Variants in B3GALT1 observed in about 807,000 individuals in gnomAD.
B3GALT1 encodes the protein beta-1,3-galactosyltransferase 1, also known as UDP-Gal:betaGlcNAc beta 1,3-galactosyltransferase, polypeptide 1.
In B3GALT1, 10 loss-of-function variants were observed where a neutral mutation model predicts 23.2. The observed-to-expected ratio is 0.43, with a 90% confidence interval of 0.27 to 0.73. The LOEUF is 0.73. B3GALT1 is among the 30% of genes least tolerant of loss of function. The pLI, the probability that B3GALT1 is intolerant of heterozygous loss-of-function variation, is 0.21. For synonymous variants in B3GALT1, 156 were observed against 141.5 expected, an observed-to-expected ratio of 1.10 and a Z score of -0.73; for missense variants, 299 against 405.4, an observed-to-expected ratio of 0.74 and a Z score of 2.25.
intron 1 of B3GALT1, among the ~76,000 whole-genome samples, chr2:167,427,527 T>C (rs1651896908): frequency 6.6e-6 from 1 of 152,194 alleles, no homozygotes; most frequent in African/African-American, 2.4e-5. Flanking sequence ...TTGGATACTT[T>C]CATGTAGTCT....
chr2:167,559,589 C>G (rs1005588881), intron 2 of B3GALT1, among the ~76,000 whole-genome samples: 3 of 152,058 alleles, frequency 2.0e-5, no homozygotes, highest in Admixed American at 2.0e-4. Flanking sequence ...GCTGGAATAA[C>G]CAATACAGAG....
intron 2 of B3GALT1, among the ~76,000 whole-genome samples, chr2:167,635,115 T>C (rs1685526366): frequency 6.6e-6 from 1 of 152,108 alleles, no homozygotes; most frequent in Non-Finnish European, 1.5e-5. Flanking sequence ...ATTATCTCAA[T>C]AGATGCAGAA....
chr2:167,663,205 C>T (rs1263078416), intron 3 of B3GALT1, among the ~76,000 whole-genome samples: 13 of 148,262 alleles, frequency 8.8e-5, no homozygotes, highest in South Asian at 2.1e-4. Flanking sequence ...TGAGAATATG[C>T]GGTGTTTGGT....
At chr2:167,552,739 T>G (rs1683771604) in intron 2 of B3GALT1, among the ~76,000 whole-genome samples, 1 of 152,172 alleles carries the variant, frequency 6.6e-6, no homozygotes, top group East Asian at 1.9e-4. Context: ...GGCTTTGACT[T>G]TCTCCAAGGA....
At chr2:167,683,309 A>G (rs1686566775) in intron 3 of B3GALT1, among the ~76,000 whole-genome samples, 1 of 152,154 alleles carries the variant, frequency 6.6e-6, no homozygotes, top group Non-Finnish European at 1.5e-5. Flanking sequence ...GATCAAAATA[A>G]CTATGAATGT....
chr2:167,657,875 T>G (rs1685982323), intron 3 of B3GALT1, among the ~76,000 whole-genome samples: 1 of 152,188 alleles, frequency 6.6e-6, no homozygotes, highest in Non-Finnish European at 1.5e-5. Context: ...TCAAGTATTT[T>G]GATGACCCAA....
At chr2:167,309,563 T>C (rs1019071504) in intron 1 of B3GALT1, among the ~76,000 whole-genome samples, 2 of 152,060 alleles carry the variant, frequency 1.3e-5, no homozygotes, top group African/African-American at 4.8e-5. Flanking sequence ...TTAAAAATTA[T>C]TTAGGCTGTT....
At chr2:167,369,910 A>T (rs1697653869) in intron 1 of B3GALT1, among the ~76,000 whole-genome samples, 1 of 152,182 alleles carries the variant, frequency 6.6e-6, no homozygotes, top group African/African-American at 2.4e-5. Flanking sequence ...TTATTTATTT[A>T]GGAAGGTGCT....
chr2:167,444,475 T>G (rs561899045), intron 1 of B3GALT1, among the ~76,000 whole-genome samples: 1 of 152,188 alleles, frequency 6.6e-6, no homozygotes, highest in Non-Finnish European at 1.5e-5. Flanking sequence ...TGGTAGAATT[T>G]GGCTGTGAAT....
At chr2:167,512,040 T>G (rs1030594870) in intron 2 of B3GALT1, among the ~76,000 whole-genome samples, 1 of 152,130 alleles carries the variant, frequency 6.6e-6, no homozygotes, top group Admixed American at 6.6e-5. Flanking sequence ...GTTAGAAAAT[T>G]TGAATATTTT....
chr2:167,832,955 G>C (rs1483425139), intron 4 of B3GALT1, among the ~76,000 whole-genome samples: 1 of 152,166 alleles, frequency 6.6e-6, no homozygotes, highest in Non-Finnish European at 1.5e-5. Flanking sequence ...AACGAGCCAG[G>C]GCCATTAGTC....
intron 1 of B3GALT1, among the ~76,000 whole-genome samples, chr2:167,434,326 T>C (rs1292152325): frequency 6.6e-6 from 1 of 152,106 alleles, no homozygotes; most frequent in Non-Finnish European, 1.5e-5. Context: ...TTTTCAGATA[T>C]ATACAAAAGT....
intron 3 of B3GALT1, among the ~76,000 whole-genome samples, chr2:167,758,505 C>T (rs1687852221): frequency 6.6e-6 from 1 of 152,150 alleles, no homozygotes; most frequent in African/African-American, 2.4e-5. Flanking sequence ...GCACTGGATC[C>T]TCACTAAGGA....
At chr2:167,517,562 C>G (rs1700124987) in intron 2 of B3GALT1, among the ~76,000 whole-genome samples, 1 of 151,894 alleles carries the variant, frequency 6.6e-6, no homozygotes, top group Non-Finnish European at 1.5e-5. Flanking sequence ...TAAGCCTCAT[C>G]TTTTTCATTG....
chr2:167,776,178 C>T (rs1045183604), intron 3 of B3GALT1, among the ~76,000 whole-genome samples: 2 of 152,088 alleles, frequency 1.3e-5, no homozygotes, highest in African/African-American at 4.8e-5. Context: ...TCTTTCCAAT[C>T]TTTGAGCATT....
chr2:167,668,865 A>G (rs1225944990), intron 3 of B3GALT1, among the ~76,000 whole-genome samples: 1 of 152,160 alleles, frequency 6.6e-6, no homozygotes, highest in Non-Finnish European at 1.5e-5. Context: ...CCCTAGTGAG[A>G]TGAACCCAGT....
At chr2:167,556,972 T>G (rs1683863929) in intron 2 of B3GALT1, among the ~76,000 whole-genome samples, 1 of 152,198 alleles carries the variant, frequency 6.6e-6, no homozygotes, top group Non-Finnish European at 1.5e-5. Flanking sequence ...ATTGTGCCCT[T>G]GGGTCCAGCC....
In B3GALT1 at chr2:167,668,659, G is replaced by A. The variant is rs191528200; in HGVS notation, c.-352+21693G>A. ...GGGGGATATAATCTCCTGGTGCGCC[G>A]TTTTTTAAGCCCATCGGAAAAGCAG... On this transcript the variant is annotated intron_variant, in intron 3 of 4. Coordinates refer to ENST00000392690, the MANE Select transcript of B3GALT1 (RefSeq NM_020981.4). Among the ~76,000 whole-genome samples, 113 of 152,300 alleles carry A rather than the reference G, an allele frequency of 7.4e-4. 1 individual carries two copies. The highest frequency in any genetic ancestry group is 2.5e-3 in the South Asian group (12 of 4,826).
intron 4 of B3GALT1, among the ~76,000 whole-genome samples, chr2:167,867,824 G>A (rs573667836): frequency 1.6e-4 from 25 of 152,244 alleles, no homozygotes; most frequent in Admixed American, 9.8e-4. Flanking sequence ...AGGAACTGGC[G>A]CGAAGTTTTA....
Sources: allele counts gnomAD v4.1 joint callset (sites outside exome capture counted in the v4.1 genomes callset), GRCh38; gene constraint gnomAD v4.1.1; transcripts MANE v1.5; gene names NCBI Gene and HGNC (gene_info 2026-07-23, HGNC 2026-07-21).